The following PDE10A variants were observed in gnomAD, a reference collection of about 807,000 sequenced individuals.
PDE10A encodes the protein phosphodiesterase 10A, also known as cAMP and cAMP-inhibited cGMP 3',5'-cyclic phosphodiesterase 10A.
A neutral mutation model predicts 97.7 loss-of-function variants in PDE10A; 39 were observed. The observed-to-expected ratio is 0.40, with a 90% CI of 0.31 to 0.52. The LOEUF (loss-of-function observed/expected upper bound fraction) is 0.52, where lower values mean the gene tolerates loss of function less well. Among genes scored for constraint, PDE10A ranks in the 20% least tolerant of loss-of-function variants. PDE10A has a pLI of 0.56. For synonymous variants in PDE10A, 371 were observed against 376.8 expected, an observed-to-expected ratio of 0.98 and a Z score of 0.18; for missense variants, 731 against 1,047.8, an observed-to-expected ratio of 0.70 and a Z score of 4.17.
rs1223521909 is a variant in PDE10A at position 165,336,177 on chromosome 6, T to G, written c.3011A>C (p.Tyr1004Ser). 1.9e-6 allele frequency: 3 copies of G among 1,613,892 alleles called. No individual in the cohort carries two copies. Among genetic ancestry groups the G allele is most frequent in the Non-Finnish European group, 2.5e-6 (3 of 1,179,956 alleles). Residue 1004 changes from tyrosine (Y) to serine (S), a missense_variant, in exon 21 of 22, where the codon TAT becomes TCT. Transcript: ENST00000539869. ...AGGGAGGATCTGGGTAAGGGTTGTA[T>G]AGCAGGGAATGGCCACGGCATTGTA... ...GFYNAVAIPCYTTLTQILPPT... is the reference protein window; with the variant it reads ...GFYNAVAIPCSTTLTQILPPT...
chr6:165,976,329 C>T (rs1420120435), intron 1 of PDE10A, among the ~76,000 whole-genome samples: 2 of 152,166 alleles, frequency 1.3e-5, no homozygotes, highest in Non-Finnish European at 2.9e-5. Flanking sequence ...AGGCCTCTCA[C>T]CATCTTTGTA....
At chr6:165,445,183 G>A (rs926060790) in intron 5 of PDE10A, among the ~76,000 whole-genome samples, 3 of 152,190 alleles carry the variant, frequency 2.0e-5, no homozygotes, top group African/African-American at 7.2e-5. Context: ...TATTTTAGAA[G>A]TGTATCTTCT....
At chr6:165,500,288 A>G (rs1780790666) in intron 2 of PDE10A, among the ~76,000 whole-genome samples, 2 of 151,124 alleles carry the variant, frequency 1.3e-5, no homozygotes, top group East Asian at 1.9e-4. Context: ...TGTGCAGAAA[A>G]GAGAGAGAGA....
chr6:165,847,626 C>T (rs372549317), intron 1 of PDE10A, among the ~76,000 whole-genome samples: 5 of 152,258 alleles, frequency 3.3e-5, no homozygotes, highest in African/African-American at 9.6e-5. Flanking sequence ...ATTCTGCAAA[C>T]GCACAGGCCT....
intron 1 of PDE10A, among the ~76,000 whole-genome samples, chr6:165,919,714 A>G (rs1159814350): frequency 6.6e-6 from 1 of 152,234 alleles, no homozygotes; most frequent in African/African-American, 2.4e-5. Context: ...TTGCCAACCC[A>G]AGCAAACCAT....
At chr6:165,970,345 A>T (rs2128500758) in intron 1 of PDE10A, among the ~76,000 whole-genome samples, 1 of 152,348 alleles carries the variant, frequency 6.6e-6, no homozygotes, top group Admixed American at 6.5e-5. Context: ...GAGATGTATC[A>T]CGATTATTTT....
intron 1 of PDE10A, chr6:165,774,831 C>CTTTTTTTTTTT (rs5881660): frequency 9.3e-6 from 1 of 107,884 alleles, no homozygotes; most frequent in Non-Finnish European, 1.9e-5. Flanking sequence ...ACTTTTTTTT[C>CTTTTTTTTTTT]TTTTTTTTTT....
intron 1 of PDE10A, among the ~76,000 whole-genome samples, chr6:165,730,702 G>A (rs1233993533): frequency 6.8e-6 from 1 of 146,414 alleles, no homozygotes; most frequent in African/African-American, 2.6e-5. Flanking sequence ...CCAGTGAGCC[G>A]AGATCATGCC....
At chr6:165,691,114 C>CG (rs1321330311) in intron 1 of PDE10A, among the ~76,000 whole-genome samples, 1 of 94,670 alleles carries the variant, frequency 1.1e-5, no homozygotes, top group East Asian at 4.4e-4. Context: ...TCTCCCCCCC[C>CG]CCATCAGTGC....
intron 1 of PDE10A, among the ~76,000 whole-genome samples, chr6:165,976,935 G>T (rs758706679): frequency 2.6e-5 from 4 of 152,186 alleles, no homozygotes; most frequent in Non-Finnish European, 5.9e-5. Context: ...CCTTGGAATC[G>T]CACCCTCTGC....
At chr6:165,487,706 T>C (rs1315392724) in intron 2 of PDE10A, among the ~76,000 whole-genome samples, 3 of 152,062 alleles carry the variant, frequency 2.0e-5, no homozygotes, top group Non-Finnish European at 4.4e-5. Context: ...GTTAACAATA[T>C]AAATTGTTAC....
At chr6:165,777,684 C>G (rs1177928557) in intron 1 of PDE10A, among the ~76,000 whole-genome samples, 1 of 143,692 alleles carries the variant, frequency 7.0e-6, no homozygotes, top group Non-Finnish European at 1.5e-5. Flanking sequence ...CGGCTGATCT[C>G]CCCCAGGGTA....
At chr6:165,896,355 ATT>A (rs772660262) in intron 1 of PDE10A, among the ~76,000 whole-genome samples, 10 of 144,022 alleles carry the variant, frequency 6.9e-5, no homozygotes, top group African/African-American at 7.6e-5. Flanking sequence ...ATATTTAGTA[ATT>A]TTTTTTTTTT....
At chr6:165,463,878 G>T (rs916258976) in intron 3 of PDE10A, among the ~76,000 whole-genome samples, 2 of 152,238 alleles carry the variant, frequency 1.3e-5, no homozygotes, top group Admixed American at 6.5e-5. Flanking sequence ...TAGCATGAGT[G>T]ATCTGTGCCT....
At chr6:165,576,037 A>G (rs1466051014) in intron 1 of PDE10A, among the ~76,000 whole-genome samples, 1 of 152,232 alleles carries the variant, frequency 6.6e-6, no homozygotes, top group Non-Finnish European at 1.5e-5. Flanking sequence ...CTCCTACATA[A>G]CATGGTAAAG....
chr6:165,356,209 A>G (rs938934088), intron 18 of PDE10A, among the ~76,000 whole-genome samples: 3 of 152,018 alleles, frequency 2.0e-5, no homozygotes, highest in Admixed American at 2.0e-4. Context: ...CCGAGATGAG[A>G]TTTAGGTGGG....
intron 1 of PDE10A, among the ~76,000 whole-genome samples, chr6:165,575,233 CAT>C (rs1483511606): frequency 6.6e-6 from 1 of 152,182 alleles, no homozygotes; most frequent in African/African-American, 2.4e-5. Flanking sequence ...TTGTGACCTG[CAT>C]TTCTAACTGG....
rs182210230 is a variant in PDE10A at position 165,392,633 on chromosome 6, A to G, written c.2454+13T>C. Reference sequence around the variant, plus strand: ...GAGGTTACGAGAAACAGAGGTAAAGAGTGCACACCCACCTCAAGGTCTGTG... The same window carrying G: ...GAGGTTACGAGAAACAGAGGTAAAGGGTGCACACCCACCTCAAGGTCTGTG... On this transcript the variant is annotated intron_variant, in intron 16 of 21. Transcript: ENST00000539869. 723 of 1,609,572 alleles carry G rather than the reference A, an allele frequency of 4.5e-4. 5 individuals are homozygous for G. The African/African-American group carries it at 8.2e-3, about 18-fold the overall frequency.
intron 1 of PDE10A, among the ~76,000 whole-genome samples, chr6:165,745,573 A>G (rs1235364288): frequency 6.6e-6 from 1 of 152,220 alleles, no homozygotes; most frequent in Non-Finnish European, 1.5e-5. Context: ...TCAGTAAACC[A>G]CTGGTTTATC....
Sources: gnomAD v4.1 joint callset for allele counts (sites outside exome capture counted in the v4.1 genomes callset) on GRCh38, gnomAD v4.1.1 for gene constraint, MANE v1.5 for transcripts, NCBI Gene and HGNC (gene_info 2026-07-23, HGNC 2026-07-21) for gene names.